Variants in RUNX1 observed in about 807,000 individuals in gnomAD.
RUNX1 encodes RUNX family transcription factor 1, also known as runt-related transcription factor 1.
Under a neutral mutation model 42.8 loss-of-function variants are expected in RUNX1, and 19 were observed. That is an observed-to-expected ratio of 0.44 (90% CI 0.31 to 0.65). The LOEUF (loss-of-function observed/expected upper bound fraction) is 0.65, where lower values mean the gene tolerates loss of function less well. Among genes scored for constraint, RUNX1 ranks in the 30% least tolerant of loss-of-function variants. The pLI is 0.07. For missense variants in RUNX1, 528 were observed against 672.0 expected (o/e 0.79, Z 2.37); for synonymous variants, 271 against 289.4 (o/e 0.94, Z 0.64).
At chr21:34,866,481 T>G (rs1344912727) in intron 5 of RUNX1, among the ~76,000 whole-genome samples, 1 of 152,188 alleles carries the variant, frequency 6.6e-6, no homozygotes, top group Admixed American at 6.5e-5. Context: ...GTATAAAAAT[T>G]AACGTACCCT....
intron 2 of RUNX1, among the ~76,000 whole-genome samples, chr21:34,897,896 T>G (rs1261094003): frequency 1.3e-5 from 2 of 152,178 alleles, no homozygotes; most frequent in African/African-American, 4.8e-5. Flanking sequence ...CATATGTAAT[T>G]AAGGTTACTA....
intron 3 of RUNX1, among the ~76,000 whole-genome samples, chr21:34,890,097 C>T (rs1345311818): frequency 6.6e-6 from 1 of 152,100 alleles, no homozygotes; most frequent in Non-Finnish European, 1.5e-5. Flanking sequence ...CGGGCGTTGC[C>T]GCGGGCCCGG....
At chr21:34,930,210 T>C (rs1002571300) in intron 2 of RUNX1, among the ~76,000 whole-genome samples, 1 of 141,614 alleles carries the variant, frequency 7.1e-6, no homozygotes, top group Non-Finnish European at 1.5e-5. Flanking sequence ...TATATACATA[T>C]ATACATGTAT....
chr21:34,832,369 G>C (rs1453510797), intron 7 of RUNX1, among the ~76,000 whole-genome samples: 2 of 152,154 alleles, frequency 1.3e-5, no homozygotes, highest in African/African-American at 2.4e-5. Context: ...TCTTCACCAA[G>C]AAACAGAGCA....
At chr21:34,854,182 C>G (rs1212308281) in intron 6 of RUNX1, among the ~76,000 whole-genome samples, 1 of 152,178 alleles carries the variant, frequency 6.6e-6, no homozygotes, top group Non-Finnish European at 1.5e-5. Flanking sequence ...GATCCTATTT[C>G]TCATGTTCAC....
chr21:35,028,669 G>GA (rs2059253352), intron 2 of RUNX1, among the ~76,000 whole-genome samples: 1 of 152,206 alleles, frequency 6.6e-6, no homozygotes, highest in Admixed American at 6.5e-5. Context: ...TCCCTGACCA[G>GA]ACAGTAAGTT....
intron 7 of RUNX1, among the ~76,000 whole-genome samples, chr21:34,808,988 G>T (rs1416090817): frequency 1.3e-5 from 2 of 152,160 alleles, no homozygotes; most frequent in African/African-American, 2.4e-5. Flanking sequence ...GGCACCTTCT[G>T]GTTTCTGCTG....
chr21:34,920,690 T>C (rs1444505290), intron 2 of RUNX1, among the ~76,000 whole-genome samples: 2 of 152,172 alleles, frequency 1.3e-5, no homozygotes, highest in Admixed American at 1.3e-4. Context: ...ATGTGATATG[T>C]TGAGAAGTTA....
intron 5 of RUNX1, among the ~76,000 whole-genome samples, chr21:34,872,445 A>G (rs919522989): frequency 1.3e-5 from 2 of 152,224 alleles, no homozygotes; most frequent in African/African-American, 4.8e-5. Context: ...CAGTGGCGCC[A>G]GGGGGATGGT....
intron 2 of RUNX1, among the ~76,000 whole-genome samples, chr21:34,949,086 C>G (rs1044307241): frequency 6.6e-6 from 1 of 152,124 alleles, no homozygotes; most frequent in African/African-American, 2.4e-5. Flanking sequence ...TGGAGATGTT[C>G]ATTTATTTCC....
At chr21:34,888,112 G>A (rs1466120671) in intron 3 of RUNX1, 14 of 1,066,344 alleles carry the variant, frequency 1.3e-5, no homozygotes, top group Non-Finnish European at 1.6e-5. Context: ...CTCTTCGGAA[G>A]GCAGCCACTG....
At chr21:34,837,475 T>G (rs1424020191) in intron 6 of RUNX1, among the ~76,000 whole-genome samples, 1 of 152,224 alleles carries the variant, frequency 6.6e-6, no homozygotes, top group African/African-American at 2.4e-5. Context: ...AGACCTCATG[T>G]GCCAAATAGC....
chr21:34,935,303 T>C (rs1388978769), intron 2 of RUNX1, among the ~76,000 whole-genome samples: 2 of 152,142 alleles, frequency 1.3e-5, no homozygotes, highest in Non-Finnish European at 2.9e-5. Context: ...TGGGATGTGG[T>C]TGGACTTAAA....
intron 2 of RUNX1, among the ~76,000 whole-genome samples, chr21:34,974,549 C>G (rs1378806909): frequency 6.6e-6 from 1 of 152,086 alleles, no homozygotes; most frequent in African/African-American, 2.4e-5. Context: ...TTCTGTTTCC[C>G]AAACCTGAAA....
intron 2 of RUNX1, among the ~76,000 whole-genome samples, chr21:35,014,815 C>A (rs1156271784): frequency 1.3e-5 from 2 of 152,242 alleles, no homozygotes; most frequent in South Asian, 2.1e-4. Context: ...GCCCTCAGCT[C>A]CCTGTAAACA....
intron 2 of RUNX1, among the ~76,000 whole-genome samples, chr21:34,938,978 T>C (rs1429660106): frequency 6.6e-6 from 1 of 152,204 alleles, no homozygotes; most frequent in Non-Finnish European, 1.5e-5. Context: ...TTTTTCTAGA[T>C]TCGGCTCAAA....
chr21:34,798,785 A>G (rs2056566617), intron 8 of RUNX1, among the ~76,000 whole-genome samples: 1 of 152,064 alleles, frequency 6.6e-6, no homozygotes, highest in Non-Finnish European at 1.5e-5. Context: ...TAAATATACC[A>G]TTTTATATGA....
At chr21:34,980,381 G>C (rs1369411464) in intron 2 of RUNX1, among the ~76,000 whole-genome samples, 4 of 152,226 alleles carry the variant, frequency 2.6e-5, no homozygotes, top group Non-Finnish European at 5.9e-5. Context: ...GTCCTACGTA[G>C]CCTGGGGATG....
At chr21:34,897,211 T>C (rs9976623) in intron 2 of RUNX1, among the ~76,000 whole-genome samples, 38,122 of 152,072 alleles carry the variant, frequency 0.25, 5,245 homozygotes, top group African/African-American at 0.35. Context: ...ATTTCTTTGG[T>C]TGATAACAAT....
Sources: allele counts gnomAD v4.1 joint callset (sites outside exome capture counted in the v4.1 genomes callset), GRCh38; gene constraint gnomAD v4.1.1; transcripts MANE v1.5; gene names NCBI Gene and HGNC (gene_info 2026-07-23, HGNC 2026-07-21).